Variants in SLC39A11 observed in about 807,000 individuals in gnomAD.
The protein encoded by SLC39A11 is zinc transporter ZIP11.
A neutral mutation model predicts 36.1 loss-of-function variants in SLC39A11; 33 were observed. The observed-to-expected ratio is 0.91, with a 90% confidence interval of 0.69 to 1.22. The LOEUF is 1.22. SLC39A11 is among the 50% of genes most tolerant of loss of function. The pLI is 0.00. For synonymous variants in SLC39A11, 166 were observed against 170.3 expected (o/e 0.97, Z 0.20); for missense variants, 432 against 430.3 (o/e 1.00, Z -0.03).
intron 5 of SLC39A11, among the ~76,000 whole-genome samples, chr17:72,850,963 C>T (rs137944966): frequency 9.1e-4 from 139 of 152,220 alleles, no homozygotes; most frequent in African/African-American, 3.0e-3. Context: ...GCCACTCCAA[C>T]GTGCAAGCTA....
intron 5 of SLC39A11, among the ~76,000 whole-genome samples, chr17:72,938,584 G>A (rs1163914785): frequency 6.6e-6 from 1 of 152,142 alleles, no homozygotes; most frequent in Non-Finnish European, 1.5e-5. Context: ...AGGAGCTTCT[G>A]CAAAAATAAC....
intron 7 of SLC39A11, among the ~76,000 whole-genome samples, chr17:72,684,405 A>G (rs1283807558): frequency 6.6e-6 from 1 of 152,236 alleles, no homozygotes; most frequent in Non-Finnish European, 1.5e-5. Flanking sequence ...TGAGCCTACA[A>G]GCCAGGACAG....
At chr17:72,942,148 G>A (rs888424003) in intron 5 of SLC39A11, among the ~76,000 whole-genome samples, 3 of 151,466 alleles carry the variant, frequency 2.0e-5, no homozygotes, top group Non-Finnish European at 2.9e-5. Context: ...CACCTGCCTC[G>A]GCCTCCCAAA....
chr17:73,008,772 G>T (rs937993040), intron 4 of SLC39A11, among the ~76,000 whole-genome samples: 2 of 152,112 alleles, frequency 1.3e-5, no homozygotes, highest in African/African-American at 4.8e-5. Context: ...TGACGTTCTC[G>T]GCCAGGCACA....
At chr17:72,648,679 G>A in intron 9 of SLC39A11, 124 bp downstream of exon 9, 1 of 1,187,068 alleles carries the variant, frequency 8.4e-7, no homozygotes, top group Non-Finnish European at 1.2e-6. Flanking sequence ...GGATGATCTT[G>A]GGAAGGGGCA....
chr17:72,667,175 G>A (rs1212006642), intron 7 of SLC39A11, among the ~76,000 whole-genome samples: 1 of 152,150 alleles, frequency 6.6e-6, no homozygotes, highest in African/African-American at 2.4e-5. Flanking sequence ...GGGTGTAGGT[G>A]AAGAGGCAGG....
chr17:72,976,854 A>C (rs896758741), intron 4 of SLC39A11, among the ~76,000 whole-genome samples: 6 of 152,174 alleles, frequency 3.9e-5, no homozygotes, highest in Non-Finnish European at 8.8e-5. Flanking sequence ...GTCTCAAAAA[A>C]AAAAAGAAAA....
intron 4 of SLC39A11, among the ~76,000 whole-genome samples, chr17:73,026,874 G>T (rs8074504): frequency 2.6e-5 from 4 of 151,888 alleles, no homozygotes; most frequent in African/African-American, 4.8e-5. Flanking sequence ...ACACTGAAGA[G>T]GGGGAGGCCA....
chr17:72,981,227 T>C (rs2088277300), intron 4 of SLC39A11, among the ~76,000 whole-genome samples: 1 of 152,220 alleles, frequency 6.6e-6, no homozygotes, highest in African/African-American at 2.4e-5. Flanking sequence ...ATATTTTTAG[T>C]AAGTCTTCAA....
chr17:72,701,324 C>A (rs1214361458), intron 7 of SLC39A11, among the ~76,000 whole-genome samples: 1 of 152,172 alleles, frequency 6.6e-6, no homozygotes, highest in Non-Finnish European at 1.5e-5. Context: ...CTGAGGAGGG[C>A]ACACAAGGAC....
intron 5 of SLC39A11, among the ~76,000 whole-genome samples, chr17:72,868,785 G>A (rs1410377939): frequency 1.3e-5 from 2 of 151,990 alleles, no homozygotes; most frequent in African/African-American, 2.4e-5. Flanking sequence ...TCCAACCTGG[G>A]TGACAGAATG....
At chr17:72,877,320 T>A (rs572134192) in intron 5 of SLC39A11, among the ~76,000 whole-genome samples, 18 of 152,334 alleles carry the variant, frequency 1.2e-4, no homozygotes, top group African/African-American at 4.3e-4. Flanking sequence ...TCAAGAACAT[T>A]CATGACACTG....
chr17:72,954,289 G>A (rs968222568), intron 4 of SLC39A11, among the ~76,000 whole-genome samples: 38 of 152,306 alleles, frequency 2.5e-4, no homozygotes, highest in African/African-American at 9.1e-4. Flanking sequence ...CAAGTGATCC[G>A]AGGAAGGCAG....
intron 7 of SLC39A11, among the ~76,000 whole-genome samples, chr17:72,663,106 A>G (rs538086416): frequency 1.3e-4 from 20 of 152,326 alleles, no homozygotes; most frequent in Admixed American, 4.6e-4. Flanking sequence ...GTACAGTCCT[A>G]TTTACACAAA....
At chr17:72,737,467 C>A (rs1034238613) in intron 6 of SLC39A11, among the ~76,000 whole-genome samples, 1 of 152,070 alleles carries the variant, frequency 6.6e-6, no homozygotes, top group African/African-American at 2.4e-5. Flanking sequence ...CTTTCTGGAA[C>A]TTTCATAACC....
rs542623249 is a variant in SLC39A11, at chr17:72,900,681, G to A, written c.430+47071C>T. ...GGGGGCAGGCGCGCCCTCCAGGGCA[G>A]AGGAAATAGTGGTAAGTAACTAGGA... On this transcript the variant is annotated intron_variant, in intron 5 of 9. Transcript: ENST00000255559. 5.9e-5 allele frequency among the ~76,000 whole-genome samples: 9 copies of A among 152,314 alleles called. No homozygotes were observed. The South Asian group carries it at 1.7e-3, about 28-fold the overall frequency.
rs1315401752 is a variant in SLC39A11 at position 72,900,105 on chromosome 17, AAGAAAAAGAAAG to A, written c.430+47635_430+47646del. 3.7e-5 allele frequency among the ~76,000 whole-genome samples: 5 copies of A among 136,752 alleles called. 1 individual carries two copies. The highest frequency in any genetic ancestry group is 1.6e-4 in the African/African-American group (5 of 31,014). 89.7% of individuals were successfully genotyped at this position (136,752 alleles called of 152,430 possible). ...GAGAAAGAGAAAGAGAAAAGAAAGA[AAGAAAAAGAAAG>A]AAAGAAAAGAAAGAAAGAAAGAAAA... On this transcript the variant is annotated intron_variant, in intron 5 of 9. Transcript: ENST00000255559.
chr17:72,978,054 C>T (rs2087993127), intron 4 of SLC39A11, among the ~76,000 whole-genome samples: 1 of 152,226 alleles, frequency 6.6e-6, no homozygotes, highest in Non-Finnish European at 1.5e-5. Flanking sequence ...CCAGGGTGGT[C>T]GTTGAGAATC....
intron 3 of SLC39A11, among the ~76,000 whole-genome samples, chr17:73,080,473 C>T (rs1051203985): frequency 6.6e-6 from 1 of 152,132 alleles, no homozygotes; most frequent in Non-Finnish European, 1.5e-5. Flanking sequence ...TCACCTTATA[C>T]AAAAATCAAC....
Sources: gnomAD v4.1 joint callset for allele counts (sites outside exome capture counted in the v4.1 genomes callset) on GRCh38, gnomAD v4.1.1 for gene constraint, MANE v1.5 for transcripts, NCBI Gene and HGNC (gene_info 2026-07-23, HGNC 2026-07-21) for gene names.